PPP6R3: variants seen among roughly 807,000 people sequenced by gnomAD.
PPP6R3 encodes the protein serine/threonine-protein phosphatase 6 regulatory subunit 3.
Under a neutral mutation model 110.7 loss-of-function variants are expected in PPP6R3, and 38 were observed. The observed-to-expected ratio is 0.34, with a 90% CI of 0.26 to 0.45. The LOEUF (loss-of-function observed/expected upper bound fraction) is 0.45. Among genes scored for constraint, PPP6R3 ranks in the 20% least tolerant of loss-of-function variants. The probability of loss-of-function intolerance (pLI) is 1.00; values close to 1 mark genes in which losing one functional copy is unlikely to be tolerated. For synonymous variants in PPP6R3, 369 were observed against 373.5 expected, an observed-to-expected ratio of 0.99 and a Z score of 0.14; for missense variants, 870 against 1,062.4, an observed-to-expected ratio of 0.82 and a Z score of 2.52.
Position 68,473,340 on chromosome 11 carries a change from A to G in PPP6R3, c.-158+12513A>G, listed in dbSNP as rs144448382. On this transcript the variant is annotated intron_variant, in intron 1 of 23. Transcript: ENST00000393800. The stretch of plus-strand genomic sequence containing the variant: ...AGACTGGGTTCTAGAAACTTCTAGA[A>G]CACATGGAGGTTCCTGGAGGGTGGT... 9.2e-4 allele frequency among the ~76,000 whole-genome samples: 140 copies of G among 152,342 alleles called. 1 individual carries two copies. In the East Asian group the frequency reaches 0.018, roughly 20 times the overall value.
chr11:68,555,517 T>G (rs1237491265), intron 7 of PPP6R3, among the ~76,000 whole-genome samples: 2 of 152,208 alleles, frequency 1.3e-5, no homozygotes, highest in Admixed American at 6.5e-5. Flanking sequence ...GATAGCCACA[T>G]GTAGTGAATG....
At chr11:68,471,009 G>A (rs1349326085) in intron 1 of PPP6R3, among the ~76,000 whole-genome samples, 2 of 152,086 alleles carry the variant, frequency 1.3e-5, no homozygotes, top group Middle Eastern at 6.8e-3. Context: ...TGGGCCGGGC[G>A]CGGTGGCTCA....
At chr11:68,475,503 C>T (rs2098822483) in intron 1 of PPP6R3, among the ~76,000 whole-genome samples, 1 of 151,362 alleles carries the variant, frequency 6.6e-6, no homozygotes, top group Admixed American at 6.6e-5. Context: ...AGCAGAGGTG[C>T]CCGCCACCTC....
At chr11:68,567,335 C>T (rs1168418152) in intron 10 of PPP6R3, among the ~76,000 whole-genome samples, 169 bp downstream of exon 10, 1 of 152,128 alleles carries the variant, frequency 6.6e-6, no homozygotes, top group African/African-American at 2.4e-5. Context: ...ATTTCGAATG[C>T]TTATAATTGT....
chr11:68,574,048 C>T lies in PPP6R3; in HGVS notation c.1344-61C>T, dbSNP rs186752214. ...TTGTTTAAAAGTCCGCAGTATTTAC[C>T]GAGTGTTTCATCACTTCATCCTATC... On this transcript the variant is annotated intron_variant, in intron 12 of 23. Coordinates refer to ENST00000393800, the MANE Select transcript of PPP6R3 (RefSeq NM_001164161.2). 66 of 1,180,546 alleles carry T rather than the reference C, an allele frequency of 5.6e-5. No individual in the cohort carries two copies. In the African/African-American group the frequency reaches 6.6e-4, roughly 12 times the overall value. 73.1% of individuals were successfully genotyped at this position (1,180,546 alleles called of 1,614,324 possible). A position where few individuals can be genotyped will look rare whatever the true frequency, so the allele number is the denominator to read the frequency against.
intron 1 of PPP6R3, among the ~76,000 whole-genome samples, chr11:68,462,399 A>C (rs1233122703): frequency 6.6e-6 from 1 of 152,188 alleles, no homozygotes; most frequent in Non-Finnish European, 1.5e-5. Context: ...ATTAATGAGT[A>C]GTAGCGCCTC....
Position 68,601,928 on chromosome 11 carries a change from C to T in PPP6R3, c.2258C>T (p.Pro753Leu), listed in dbSNP as rs775465825. 4 of 1,613,508 alleles carry T rather than the reference C, an allele frequency of 2.5e-6. No homozygotes were observed. The South Asian group carries it at 3.3e-5, about 13-fold the overall frequency. ...EMETSTEPMD[P>L]LTPSAAALAV... ...GAAACCAGCACTGAACCCATGGACC[C>T]TCTGACTCCCAGTGCGGCTGCCCTG... Residue 753 changes from proline (P) to leucine (L), a missense_variant, in exon 21 of 24, where the codon CCT becomes CTT. Transcript: ENST00000393800.
intron 10 of PPP6R3, among the ~76,000 whole-genome samples, chr11:68,569,147 T>G (rs2099492151): frequency 1.3e-5 from 2 of 152,158 alleles, no homozygotes; most frequent in Non-Finnish European, 2.9e-5. Flanking sequence ...ATACTCCCTT[T>G]CTCTTGGAGA....
chr11:68,610,051 C>CA, intron 23 of PPP6R3, 28 bp downstream of exon 23: 3 of 1,610,206 alleles, frequency 1.9e-6, no homozygotes, highest in Non-Finnish European at 2.5e-6. Context: ...CAAACCCACC[C>CA]AGGCCCTGCC....
At chr11:68,498,430 A>G (rs970938217) in intron 1 of PPP6R3, among the ~76,000 whole-genome samples, 1 of 152,210 alleles carries the variant, frequency 6.6e-6, no homozygotes, top group Non-Finnish European at 1.5e-5. Context: ...AATACGGAAA[A>G]GTACATACAA....
chr11:68,530,214 G>C (rs909013750), intron 2 of PPP6R3, among the ~76,000 whole-genome samples: 4 of 152,124 alleles, frequency 2.6e-5, no homozygotes, highest in Non-Finnish European at 5.9e-5. Flanking sequence ...TTGGATGACA[G>C]ATAGAGCTTG....
At chr11:68,527,139 C>T (rs1312351222) in intron 2 of PPP6R3, among the ~76,000 whole-genome samples, 3 of 152,132 alleles carry the variant, frequency 2.0e-5, no homozygotes, top group African/African-American at 7.2e-5. Flanking sequence ...AGTACAGCTC[C>T]AGAATGAAGA....
At chr11:68,577,144 G>T (rs751437910) in intron 14 of PPP6R3, among the ~76,000 whole-genome samples, 1 of 152,206 alleles carries the variant, frequency 6.6e-6, no homozygotes, top group Non-Finnish European at 1.5e-5. Context: ...CTAATAGCCC[G>T]AGTGTCTCTG....
At chr11:68,470,909 A>G (rs1166309643) in intron 1 of PPP6R3, among the ~76,000 whole-genome samples, 2 of 152,102 alleles carry the variant, frequency 1.3e-5, no homozygotes, top group South Asian at 2.1e-4. Context: ...CAGTTTCTGA[A>G]GCTTTTGGAG....
At chr11:68,485,128 C>T (rs1454331279) in intron 1 of PPP6R3, among the ~76,000 whole-genome samples, 1 of 151,702 alleles carries the variant, frequency 6.6e-6, no homozygotes, top group East Asian at 1.9e-4. Context: ...CTAAGTATTT[C>T]ATTTTTTGGA....
At chr11:68,577,301 GT>G (rs541484303) in intron 14 of PPP6R3, among the ~76,000 whole-genome samples, 1 of 151,832 alleles carries the variant, frequency 6.6e-6, no homozygotes, top group Non-Finnish European at 1.5e-5. Flanking sequence ...GATAATCAGG[GT>G]TTTTTTTGTA....
At chr11:68,545,056 G>C in intron 4 of PPP6R3, 32 bp downstream of exon 4, 1 of 1,516,584 alleles carries the variant, frequency 6.6e-7, no homozygotes, top group East Asian at 2.3e-5. Context: ...GTAAGTATTA[G>C]GGCTGATCAT....
Position 68,581,832 on chromosome 11 carries a change from A to G in PPP6R3, c.1546-1211A>G, listed in dbSNP as rs532757702. Among the ~76,000 whole-genome samples the G allele has an allele frequency of 1.1e-4, 17 of 152,324 alleles. No individual in the cohort carries two copies. The East Asian group carries it at 3.3e-3, about 29-fold the overall frequency. Reference sequence around the variant, plus strand: ...TCATCAGGCCAGATTCACAAACAGAATGGGAGTGCTTTATCTATACCTTTG... The same window carrying G: ...TCATCAGGCCAGATTCACAAACAGAGTGGGAGTGCTTTATCTATACCTTTG... On this transcript the variant is annotated intron_variant, in intron 14 of 23. Coordinates refer to ENST00000393800, the MANE Select transcript of PPP6R3 (RefSeq NM_001164161.2).
intron 11 of PPP6R3, among the ~76,000 whole-genome samples, chr11:68,570,306 G>A (rs559814333): frequency 5.1e-4 from 78 of 152,298 alleles, no homozygotes; most frequent in African/African-American, 1.8e-3. Flanking sequence ...GATGTTGAGA[G>A]TCTTCCTGGG....
Sources: allele counts gnomAD v4.1 joint callset (sites outside exome capture counted in the v4.1 genomes callset), GRCh38; gene constraint gnomAD v4.1.1; transcripts MANE v1.5; gene names NCBI Gene and HGNC (gene_info 2026-07-23, HGNC 2026-07-21).